The following CACNB2 variants were observed in gnomAD, a reference collection of about 807,000 sequenced individuals.
CACNB2 encodes voltage-dependent L-type calcium channel subunit beta-2.
A neutral mutation model predicts 73.3 loss-of-function variants in CACNB2; 42 were observed. That is an observed-to-expected ratio of 0.57 (90% CI 0.45 to 0.74). The LOEUF is 0.74. Among genes scored for constraint, CACNB2 ranks in the 30% least tolerant of loss-of-function variants. The probability of loss-of-function intolerance (pLI) is 0.00; values close to 1 mark genes in which losing one functional copy is unlikely to be tolerated. For synonymous variants in CACNB2, 348 were observed against 310.3 expected (o/e 1.12, Z -1.28); for missense variants, 940 against 853.0 (o/e 1.10, Z -1.27).
At chr10:18,343,745 T>G (rs558575362) in intron 2 of CACNB2, among the ~76,000 whole-genome samples, 1 of 152,060 alleles carries the variant, frequency 6.6e-6, no homozygotes, top group African/African-American at 2.4e-5. Flanking sequence ...GGGAGAGAGA[T>G]TAAATGTCCC....
At chr10:18,384,674 G>T (rs1410899848) in intron 2 of CACNB2, among the ~76,000 whole-genome samples, 1 of 151,816 alleles carries the variant, frequency 6.6e-6, no homozygotes, top group Non-Finnish European at 1.5e-5. Flanking sequence ...AGGTTGCAGC[G>T]AGCTGAGATA....
chr10:18,174,856 TAA>T lies in CACNB2; in HGVS notation c.213+23888_213+23889del, dbSNP rs879759957. On this transcript the variant is annotated intron_variant, in intron 2 of 13. Transcript: ENST00000324631. ...ATTACCTTTACAGTTTTCCCTCAACTAAAAAAAATGTTTAAAATACTAATTCA... is the reference window on the plus strand; with the variant it reads ...ATTACCTTTACAGTTTTCCCTCAACTAAAAAATGTTTAAAATACTAATTCA... 7.4e-4 allele frequency among the ~76,000 whole-genome samples: 112 copies of T among 151,924 alleles called. No individual in the cohort carries two copies. In the Middle Eastern group the frequency reaches 0.01, roughly 14 times the overall value.
intron 9 of CACNB2, among the ~76,000 whole-genome samples, chr10:18,523,683 T>C (rs2052154371): frequency 6.6e-6 from 1 of 152,088 alleles, no homozygotes; most frequent in African/African-American, 2.4e-5. Context: ...ACATCTAGAG[T>C]AACTGAATTA....
intron 2 of CACNB2, among the ~76,000 whole-genome samples, chr10:18,228,451 A>AAAAGAAAAG (rs1211190017): frequency 3.1e-5 from 3 of 95,476 alleles, no homozygotes; most frequent in African/African-American, 1.0e-4. Flanking sequence ...AAAAAAAAAG[A>AAAAGAAAAG]AAAAAAAAAA....
chr10:18,290,474 C>G (rs1015362836), intron 2 of CACNB2, among the ~76,000 whole-genome samples: 1 of 152,180 alleles, frequency 6.6e-6, no homozygotes, highest in Non-Finnish European at 1.5e-5. Flanking sequence ...TCACCTCAAT[C>G]TCTTGGTCAA....
intron 2 of CACNB2, among the ~76,000 whole-genome samples, chr10:18,227,289 C>T (rs958854103): frequency 2.6e-5 from 4 of 151,690 alleles, no homozygotes; most frequent in Admixed American, 6.6e-5. Flanking sequence ...GATCCAGAAG[C>T]GCAGATTTGG....
chr10:18,470,116 G>A (rs771497778), intron 3 of CACNB2, among the ~76,000 whole-genome samples: 1 of 151,620 alleles, frequency 6.6e-6, no homozygotes, highest in East Asian at 1.9e-4. Context: ...TTTATTGAAT[G>A]CGTTTTCATC....
At chr10:18,207,013 T>A (rs2035123318) in intron 2 of CACNB2, among the ~76,000 whole-genome samples, 1 of 152,154 alleles carries the variant, frequency 6.6e-6, no homozygotes, top group Non-Finnish European at 1.5e-5. Flanking sequence ...ATAATTCTTC[T>A]ATTTATTTAT....
intron 3 of CACNB2, among the ~76,000 whole-genome samples, chr10:18,432,992 A>G (rs2045963485): frequency 6.6e-6 from 1 of 152,240 alleles, no homozygotes; most frequent in African/African-American, 2.4e-5. Context: ...GCTATCTTTT[A>G]TGACTGCCCA....
chr10:18,366,329 G>T (rs528435198), intron 2 of CACNB2, among the ~76,000 whole-genome samples: 3 of 152,058 alleles, frequency 2.0e-5, no homozygotes, highest in Non-Finnish European at 4.4e-5. Flanking sequence ...GCCGGGCGTG[G>T]TGGCGGGCAC....
intron 2 of CACNB2, among the ~76,000 whole-genome samples, chr10:18,380,485 C>G (rs1158264053): frequency 7.9e-6 from 1 of 126,316 alleles, no homozygotes; most frequent in Non-Finnish European, 1.6e-5. Flanking sequence ...GATGGAGTCT[C>G]GCTCTGTTGC....
intron 2 of CACNB2, among the ~76,000 whole-genome samples, chr10:18,184,528 A>G (rs369113825): frequency 2.0e-5 from 3 of 152,002 alleles, no homozygotes; most frequent in African/African-American, 4.8e-5. Context: ...ACTTTATTCA[A>G]ATTTTCTCAG....
At chr10:18,446,243 A>T (rs559424468) in intron 3 of CACNB2, among the ~76,000 whole-genome samples, 1 of 152,378 alleles carries the variant, frequency 6.6e-6, no homozygotes, top group African/African-American at 2.4e-5. Context: ...GGCAGTCTGC[A>T]TGAGAAAGGA....
intron 2 of CACNB2, among the ~76,000 whole-genome samples, chr10:18,226,672 C>T (rs756386685): frequency 3.3e-5 from 5 of 152,184 alleles, no homozygotes; most frequent in Admixed American, 6.5e-5. Context: ...AATTGAATGT[C>T]TATTCTGTCT....
intron 2 of CACNB2, among the ~76,000 whole-genome samples, chr10:18,387,009 G>A (rs900934553): frequency 5.3e-5 from 8 of 152,216 alleles, no homozygotes; most frequent in African/African-American, 1.7e-4. Flanking sequence ...AAACGCTCCA[G>A]CGTATAATCA....
intron 4 of CACNB2, among the ~76,000 whole-genome samples, chr10:18,499,922 G>A (rs1434480065): frequency 6.6e-6 from 1 of 151,994 alleles, no homozygotes; most frequent in African/African-American, 2.4e-5. Context: ...AGTGAGCCAG[G>A]ATCATGTCAC....
At chr10:18,287,157 C>T (rs973099783) in intron 2 of CACNB2, among the ~76,000 whole-genome samples, 4 of 151,764 alleles carry the variant, frequency 2.6e-5, no homozygotes, top group Non-Finnish European at 5.9e-5. Context: ...AGTGAAACCC[C>T]GTCTCTACTA....
chr10:18,462,063 G>C (rs566194378), intron 3 of CACNB2, among the ~76,000 whole-genome samples: 3 of 152,076 alleles, frequency 2.0e-5, no homozygotes, highest in South Asian at 2.1e-4. Flanking sequence ...ACTGTGTTTT[G>C]CTCATTTTCC....
At chr10:18,229,507 T>C (rs2036144021) in intron 2 of CACNB2, among the ~76,000 whole-genome samples, 1 of 152,230 alleles carries the variant, frequency 6.6e-6, no homozygotes. Flanking sequence ...TTTTAAACTT[T>C]TTTCAATTTT....
Sources: allele counts gnomAD v4.1 joint callset (sites outside exome capture counted in the v4.1 genomes callset), GRCh38; gene constraint gnomAD v4.1.1; transcripts MANE v1.5; gene names NCBI Gene and HGNC (gene_info 2026-07-23, HGNC 2026-07-21).